Variants in FAM117B observed in about 807,000 individuals in gnomAD.
The protein encoded by FAM117B is family with sequence similarity 117 member B, also known as protein FAM117B.
FAM117B carries 22 observed loss-of-function variants against 52.8 expected under a neutral mutation model. The ratio of observed to expected loss-of-function variants is 0.42; its 90% CI spans 0.30 to 0.59. The LOEUF (loss-of-function observed/expected upper bound fraction) is 0.59, where lower values mean the gene tolerates loss of function less well. Ranked by LOEUF, FAM117B falls within the 20% of genes least tolerant of loss-of-function variation. The probability of loss-of-function intolerance (pLI) is 0.22; values close to 1 mark genes in which losing one functional copy is unlikely to be tolerated. For synonymous variants in FAM117B, 309 were observed against 324.1 expected, an observed-to-expected ratio of 0.95 and a Z score of 0.50; for missense variants, 678 against 802.6, an observed-to-expected ratio of 0.84 and a Z score of 1.88.
At chr2:202,744,155 T>TCTTA (rs75364957) in intron 4 of FAM117B, among the ~76,000 whole-genome samples, 16,638 of 152,188 alleles carry the variant, frequency 0.11, 1,723 homozygotes, top group East Asian at 0.56. Context: ...TCCCCGTCTG[T>TCTTA]CTTAGTTCGT....
intron 1 of FAM117B, among the ~76,000 whole-genome samples, chr2:202,683,280 G>A (rs1690491117): frequency 6.6e-6 from 1 of 151,570 alleles, no homozygotes; most frequent in African/African-American, 2.4e-5. Context: ...AGTCAGCCGA[G>A]ATCACACCAC....
chr2:202,726,323 C>A lies in FAM117B; in HGVS notation c.920C>A (p.Ser307Tyr). Reference protein sequence around the residue: ...SRHHRDKERQSPFHGNHAAIN... With the variant: ...SRHHRDKERQYPFHGNHAAIN... ...CATCATCGAGATAAAGAAAGACAGT[C>A]TCCATTTCATGGCAACCATGCAGCT... Residue 307 changes from serine to tyrosine, a missense_variant, in exon 4 of 8, where the codon TCT (serine) becomes TAT (tyrosine). By Grantham distance (144) the Ser-to-Tyr change is moderately radical. Around this residue, in one of 3 missense-constraint regions of FAM117B, gnomAD observed 583 missense variants for 644.8 expected, o/e 0.90. Transcript: ENST00000392238. 6.2e-7 allele frequency: 1 copy of A among 1,613,774 alleles called. No individual in the cohort carries two copies. The highest frequency in any genetic ancestry group is 1.1e-5 in the South Asian group (1 of 91,034).
chr2:202,655,777 T>G (rs1390326132), intron 1 of FAM117B, among the ~76,000 whole-genome samples: 1 of 151,156 alleles, frequency 6.6e-6, no homozygotes, highest in Non-Finnish European at 1.5e-5. Flanking sequence ...TGTGTGTGTG[T>G]GTGTGTGTTG....
intron 4 of FAM117B, among the ~76,000 whole-genome samples, chr2:202,747,470 A>G (rs1691651789): frequency 6.6e-6 from 1 of 152,168 alleles, no homozygotes; most frequent in Admixed American, 6.5e-5. Context: ...TGGAAGACAG[A>G]AAGTCAAATT....
intron 1 of FAM117B, among the ~76,000 whole-genome samples, chr2:202,693,831 T>C (rs1265888772): frequency 6.6e-6 from 1 of 152,206 alleles, no homozygotes; most frequent in East Asian, 1.9e-4. Context: ...GGACATTTTG[T>C]TGTTTCTAGT....
In FAM117B at chr2:202,657,607, G is replaced by A. The variant is rs533445457; in HGVS notation, c.601+21819G>A. ...AGGCTCAGGTGATCTTCAAACCTTG[G>A]CTTCCTGAGTAGCTGAGACTATAGG... On this transcript the variant is annotated intron_variant, in intron 1 of 7. Transcript: ENST00000392238. Among the ~76,000 whole-genome samples the A allele has an allele frequency of 5.3e-5, 8 of 152,206 alleles. No individual in the cohort carries two copies. The East Asian group carries it at 1.5e-3, about 29-fold the overall frequency.
intron 4 of FAM117B, among the ~76,000 whole-genome samples, chr2:202,732,838 A>G (rs1438510840): frequency 9.4e-5 from 14 of 148,692 alleles, no homozygotes; most frequent in Non-Finnish European, 1.5e-4. Flanking sequence ...AAATAAATAA[A>G]TAAATAAATA....
chr2:202,728,414 GA>G (rs1415943443), intron 4 of FAM117B, among the ~76,000 whole-genome samples: 2 of 152,102 alleles, frequency 1.3e-5, no homozygotes, highest in African/African-American at 2.4e-5. Flanking sequence ...TGGAGAAATA[GA>G]AATTTTAAAT....
In FAM117B at chr2:202,695,959, C is replaced by G. The variant is rs926978491; in HGVS notation, c.680C>G (p.Pro227Arg). ...TCCTCCCTGGATACTCTTGCTGCACCGTATCTTGCTGGACACTGGCCTCGG... is the reference window on the plus strand; with the variant it reads ...TCCTCCCTGGATACTCTTGCTGCACGGTATCTTGCTGGACACTGGCCTCGG... ...RTSSLDTLAA[P>R]YLAGHWPRDS... The change falls in exon 2 of 8, where the codon CCG becomes CGG. Residue 227 changes from proline to arginine, a missense_variant. Physicochemically the swap from Pro to Arg is moderately radical, Grantham distance 103. This residue lies in a region of FAM117B where 583 missense variants were observed against 644.8 expected (regional missense o/e 0.90). Coordinates refer to ENST00000392238, the MANE Select transcript of FAM117B (RefSeq NM_173511.4). The G allele has an allele frequency of 1.2e-6, 2 of 1,614,118 alleles. No individual in the cohort carries two copies. Among genetic ancestry groups the G allele is most frequent in the East Asian group, 2.2e-5 (1 of 44,882 alleles).
intron 1 of FAM117B, among the ~76,000 whole-genome samples, chr2:202,689,655 C>G (rs1426301720): frequency 1.3e-5 from 2 of 152,066 alleles, no homozygotes. Context: ...CAGTGACTCA[C>G]GCCTGTAATC....
At chr2:202,650,014 G>A (rs1430403936) in intron 1 of FAM117B, among the ~76,000 whole-genome samples, 4 of 151,916 alleles carry the variant, frequency 2.6e-5, no homozygotes, top group East Asian at 1.9e-4. Flanking sequence ...GATTACAGAC[G>A]CCTACCACAT....
At chr2:202,653,360 T>C (rs1248115867) in intron 1 of FAM117B, among the ~76,000 whole-genome samples, 1 of 152,012 alleles carries the variant, frequency 6.6e-6, no homozygotes. Flanking sequence ...ATTTAACTTT[T>C]GTTTTGTTTT....
intron 1 of FAM117B, 136 bp from the exon 2 acceptor site, chr2:202,695,745 G>A: frequency 1.2e-6 from 1 of 839,738 alleles, no homozygotes; most frequent in Non-Finnish European, 1.8e-6. Flanking sequence ...TTTACTGGGG[G>A]TCTTGGAAGT....
chr2:202,658,219 T>G (rs1028972898), intron 1 of FAM117B, among the ~76,000 whole-genome samples: 4 of 152,084 alleles, frequency 2.6e-5, no homozygotes, highest in African/African-American at 9.7e-5. Flanking sequence ...ATCATTTTCC[T>G]TCTGCTTGAA....
intron 4 of FAM117B, among the ~76,000 whole-genome samples, chr2:202,734,389 T>A (rs750305142): frequency 2.6e-5 from 4 of 152,186 alleles, no homozygotes; most frequent in Non-Finnish European, 5.9e-5. Flanking sequence ...CCCATAGTTG[T>A]ACAATTTAAA....
intron 1 of FAM117B, among the ~76,000 whole-genome samples, chr2:202,691,706 C>CGT (rs1690632693): frequency 7.6e-6 from 1 of 131,780 alleles, no homozygotes; most frequent in Non-Finnish European, 1.8e-5. Context: ...TGTGCGCGCG[C>CGT]GCCTCCCCAC....
At chr2:202,719,447 C>G (rs940541771) in intron 2 of FAM117B, among the ~76,000 whole-genome samples, 2 of 152,058 alleles carry the variant, frequency 1.3e-5, no homozygotes. Context: ...TATTAAGTAC[C>G]AGTAAACCTT....
chr2:202,668,196 TTA>T (rs1201131929), intron 1 of FAM117B, among the ~76,000 whole-genome samples: 1 of 144,138 alleles, frequency 6.9e-6, no homozygotes, highest in Non-Finnish European at 1.5e-5. Context: ...TAATATATAT[TTA>T]TATATTTTTA....
rs377692100 is a variant in FAM117B, at chr2:202,695,898, C to T, written c.619C>T (p.Pro207Ser). 1.2e-6 allele frequency: 2 copies of T among 1,604,152 alleles called. No individual in the cohort carries two copies. Among genetic ancestry groups the T allele is most frequent in the African/African-American group, 1.3e-5 (1 of 74,630 alleles). Residue 207 changes from proline to serine, a missense_variant, in exon 2 of 8, where the codon CCT becomes TCT. Pro to Ser is a moderately conservative substitution (Grantham distance 74). Transcript: ENST00000392238. Reference sequence around the variant, plus strand: ...AAATCTAGGTGACAAAACACGACAGCCTTCTTCAAGCCCCTCCAGTATTAT... The same window carrying T: ...AAATCTAGGTGACAAAACACGACAGTCTTCTTCAAGCCCCTCCAGTATTAT... ...VCKAGDKTRQ[P>S]SSSPSSIIRR...
Sources: gnomAD v4.1 joint callset for allele counts (sites outside exome capture counted in the v4.1 genomes callset) on GRCh38, gnomAD v4.1.1 for gene constraint, gnomAD v4.1.1 regional missense constraint, MANE v1.5 for transcripts, NCBI Gene and HGNC (gene_info 2026-07-23, HGNC 2026-07-21) for gene names.